The following TXNRD1 variants were observed in gnomAD, a reference collection of about 807,000 sequenced individuals.
The protein encoded by TXNRD1 is thioredoxin reductase 1, cytoplasmic.
In TXNRD1, 57 loss-of-function variants were observed where a neutral mutation model predicts 80.3. The ratio of observed to expected loss-of-function variants is 0.71; its 90% CI spans 0.57 to 0.89. TXNRD1 has a LOEUF of 0.89. Among genes scored for constraint, TXNRD1 ranks in the 40% least tolerant of loss-of-function variants. TXNRD1 has a pLI of 0.00. For synonymous variants in TXNRD1, 291 were observed against 285.2 expected, an observed-to-expected ratio of 1.02 and a Z score of -0.20; for missense variants, 730 against 803.0, an observed-to-expected ratio of 0.91 and a Z score of 1.10.
chr12:104,263,226 A>C (rs796984754), intron 3 of TXNRD1, among the ~76,000 whole-genome samples: 3 of 152,274 alleles, frequency 2.0e-5, no homozygotes, highest in African/African-American at 7.2e-5. Context: ...GTAGGTGGTG[A>C]TATCACCTTC....
intron 3 of TXNRD1, among the ~76,000 whole-genome samples, chr12:104,279,355 T>C (rs1823819575): frequency 6.6e-6 from 1 of 152,228 alleles, no homozygotes; most frequent in African/African-American, 2.4e-5. Flanking sequence ...ACTTCTCTGT[T>C]GGTTTTCCCA....
chr12:104,258,917 G>A (rs1411753056), intron 3 of TXNRD1, among the ~76,000 whole-genome samples: 1 of 152,114 alleles, frequency 6.6e-6, no homozygotes, highest in Non-Finnish European at 1.5e-5. Flanking sequence ...ATTACTGAGT[G>A]AGACCTTGTA....
At chr12:104,253,661 A>G (rs2033179308) in intron 2 of TXNRD1, among the ~76,000 whole-genome samples, 1 of 152,028 alleles carries the variant, frequency 6.6e-6, no homozygotes, top group African/African-American at 2.4e-5. Flanking sequence ...AATCTTTAAA[A>G]TGAAGGGCTT....
At chr12:104,339,702 GAAAT>G (rs1394451598) in intron 16 of TXNRD1, among the ~76,000 whole-genome samples, 1 of 152,218 alleles carries the variant, frequency 6.6e-6, no homozygotes. Flanking sequence ...AGTAGAACTA[GAAAT>G]TGACCAATCT....
chr12:104,311,741 G>A (rs1261617394), intron 5 of TXNRD1, among the ~76,000 whole-genome samples: 3 of 152,140 alleles, frequency 2.0e-5, no homozygotes, highest in African/African-American at 7.2e-5. Context: ...AGCACTTTGG[G>A]AGTCCGAGGT....
intron 4 of TXNRD1, among the ~76,000 whole-genome samples, chr12:104,297,567 G>A (rs191237117): frequency 1.1e-4 from 16 of 152,102 alleles, no homozygotes; most frequent in African/African-American, 2.7e-4. Context: ...ATTTCTCTAT[G>A]TTGGTCAGGC....
intron 4 of TXNRD1, 104 bp downstream of exon 4, chr12:104,289,144 G>A (rs543353138): frequency 1.4e-6 from 2 of 1,381,446 alleles, no homozygotes; most frequent in Non-Finnish European, 2.0e-6. Flanking sequence ...CCCTCCAAAC[G>A]GGACGCAGCG....
At chr12:104,294,259 C>T (rs961086729) in intron 4 of TXNRD1, among the ~76,000 whole-genome samples, 3 of 146,694 alleles carry the variant, frequency 2.0e-5, no homozygotes, top group Non-Finnish European at 3.0e-5. Flanking sequence ...CCGGCTTTCC[C>T]GGTCTGCTAA....
At chr12:104,314,738 C>CTTTTT (rs11330431) in intron 6 of TXNRD1, among the ~76,000 whole-genome samples, 20 of 103,660 alleles carry the variant, frequency 1.9e-4, no homozygotes, top group East Asian at 1.1e-3. Flanking sequence ...AAATTTTTTT[C>CTTTTT]TTTTTTTTTT....
intron 1 of TXNRD1, among the ~76,000 whole-genome samples, chr12:104,242,543 C>T (rs958619533): frequency 1.3e-5 from 2 of 149,020 alleles, no homozygotes; most frequent in African/African-American, 2.5e-5. Flanking sequence ...AGTGAAACTC[C>T]GTCTAAAAAA....
rs1456183288 is a variant in TXNRD1 at position 104,334,246 on chromosome 12, A to G, written c.1660A>G (p.Ser554Gly). 1.3e-6 allele frequency: 2 copies of G among 1,517,916 alleles called. No individual in the cohort carries two copies. Among genetic ancestry groups the G allele is most frequent in the Non-Finnish European group, 1.8e-6 (2 of 1,131,264 alleles). The allele number at this position is 1,517,916 out of a possible 1,614,324, so 94.0% of individuals were successfully genotyped here. Reference protein sequence around the residue: ...FGEENIEVYHSYFWPLEWTIP... With the variant: ...FGEENIEVYHGYFWPLEWTIP... The stretch of plus-strand genomic sequence containing the variant: ...TTTTGTATCTTCTTAGGTTTACCAT[A>G]GTTACTTTTGGCCATTGGAATGGAC... Residue 554 changes from serine to glycine, a missense_variant, in exon 15 of 17, where the codon AGT (serine) becomes GGT (glycine). Transcript: ENST00000525566.
intron 3 of TXNRD1, chr12:104,286,649 T>A (rs745867618): frequency 4.0e-4 from 341 of 842,540 alleles, no homozygotes; most frequent in Middle Eastern, 6.1e-4. Context: ...CATCAGAATG[T>A]CTAGGGGTGG....
chr12:104,291,845 G>T (rs550940115), intron 4 of TXNRD1, among the ~76,000 whole-genome samples: 1 of 152,252 alleles, frequency 6.6e-6, no homozygotes, highest in South Asian at 2.1e-4. Context: ...AGGACTATTG[G>T]TTTGAAAGAT....
At chr12:104,287,475 T>C (rs746517442) in intron 3 of TXNRD1, 85 of 1,609,324 alleles carry the variant, frequency 5.3e-5, no homozygotes, top group Non-Finnish European at 6.2e-5. Context: ...GAAATGTAGA[T>C]GACAATGTGT....
intron 16 of TXNRD1, among the ~76,000 whole-genome samples, chr12:104,345,532 C>T (rs1202992786): frequency 2.6e-5 from 4 of 152,164 alleles, no homozygotes; most frequent in East Asian, 1.9e-4. Context: ...GGATTCTCAG[C>T]GCCTGGGGCA....
chr12:104,348,398 C>T lies in TXNRD1; in HGVS notation c.1927C>T (p.Leu643Phe). Residue 643 changes from leucine (L) to phenylalanine (F), a missense_variant, in exon 17 of 17, where the codon CTC (leucine) becomes TTC (phenylalanine). Coordinates refer to ENST00000525566, the MANE Select transcript of TXNRD1 (RefSeq NM_001093771.3). ...GACCAAGCGCTCTGGGGCAAGCATC[C>T]TCCAGGCTGGCTGCTGAGGTTAAGC... Reference protein sequence around the residue: ...SVTKRSGASILQAGCUG With the variant: ...SVTKRSGASIFQAGCUG 6.2e-7 allele frequency: 1 copy of T among 1,614,036 alleles called. No homozygotes were observed.
At chr12:104,220,265 G>A (rs1048948396) in intron 1 of TXNRD1, among the ~76,000 whole-genome samples, 4 of 152,148 alleles carry the variant, frequency 2.6e-5, no homozygotes, top group Admixed American at 2.0e-4. Flanking sequence ...TCAGAAGTTA[G>A]TATTACACGA....
chr12:104,339,776 A>G (rs995654430), intron 16 of TXNRD1, among the ~76,000 whole-genome samples: 1 of 152,234 alleles, frequency 6.6e-6, no homozygotes, highest in Non-Finnish European at 1.5e-5. Context: ...TGAATATTGT[A>G]ATACTTAACT....
intron 2 of TXNRD1, among the ~76,000 whole-genome samples, chr12:104,257,076 T>G (rs1206500448): frequency 6.6e-6 from 1 of 151,544 alleles, no homozygotes; most frequent in East Asian, 1.9e-4. Flanking sequence ...TGGAGGAATA[T>G]GGTTCTAAAC....
Sources: allele counts gnomAD v4.1 joint callset (sites outside exome capture counted in the v4.1 genomes callset), GRCh38; gene constraint gnomAD v4.1.1; transcripts MANE v1.5; gene names NCBI Gene and HGNC (gene_info 2026-07-23, HGNC 2026-07-21).